SULT1C4: variants seen among roughly 807,000 people sequenced by gnomAD.
SULT1C4 encodes sulfotransferase family 1C member 4.
Under a neutral mutation model 34.8 loss-of-function variants are expected in SULT1C4, and 32 were observed. The ratio of observed to expected loss-of-function variants is 0.92; its 90% CI spans 0.69 to 1.23. SULT1C4 has a LOEUF of 1.23. Among genes scored for constraint, SULT1C4 ranks in the 50% most tolerant of loss-of-function variants. The pLI is 0.00. For synonymous variants in SULT1C4, 111 were observed against 120.5 expected, an observed-to-expected ratio of 0.92 and a Z score of 0.51; for missense variants, 375 against 365.9, an observed-to-expected ratio of 1.02 and a Z score of -0.20.
At chr2:108,382,609 T>G (rs1467165430) in intron 3 of SULT1C4, 127 bp downstream of exon 3, 1 of 769,956 alleles carries the variant, frequency 1.3e-6, no homozygotes, top group African/African-American at 1.8e-5. Context: ...ATATGCAAAT[T>G]AATATGAATC....
chr2:108,384,242 T>A (rs1334787141), intron 5 of SULT1C4, among the ~76,000 whole-genome samples: 1 of 151,640 alleles, frequency 6.6e-6, no homozygotes, highest in Non-Finnish European at 1.5e-5. Flanking sequence ...ATTTTATTTA[T>A]TTTTTGAGAC....
At chr2:108,387,090 C>T (rs999700104) in intron 6 of SULT1C4, among the ~76,000 whole-genome samples, 4 of 152,172 alleles carry the variant, frequency 2.6e-5, no homozygotes, top group Non-Finnish European at 4.4e-5. Flanking sequence ...GCGGTCTCGC[C>T]CACCCACTAA....
intron 3 of SULT1C4, 35 bp from the exon 4 acceptor site, chr2:108,383,058 T>G (rs1678457911): frequency 2.0e-6 from 3 of 1,533,076 alleles, no homozygotes; most frequent in Non-Finnish European, 2.6e-6. Flanking sequence ...CCTGTTTTTT[T>G]GCTTCTTCCC....
chr2:108,388,741 T>C lies in SULT1C4; in HGVS notation c.*1309T>C, dbSNP rs1678633226. Among the ~76,000 whole-genome samples, 1 of 152,138 alleles carries C rather than the reference T, an allele frequency of 6.6e-6. No individual in the cohort carries two copies. The highest frequency in any genetic ancestry group is 2.4e-5 in the African/African-American group (1 of 41,426). ...AAACCACCTCCATATTCCAGCAAAT[T>C]AGCCTACTTACTGGGTCCTAGTCAC... On this transcript the variant is annotated 3_prime_UTR_variant, in exon 7 of 7. Coordinates refer to ENST00000272452, the MANE Select transcript of SULT1C4 (RefSeq NM_006588.4).
intron 5 of SULT1C4, among the ~76,000 whole-genome samples, chr2:108,384,991 G>A (rs528105314): frequency 6.6e-6 from 1 of 152,298 alleles, no homozygotes; most frequent in African/African-American, 2.4e-5. Context: ...GCTGGGCCTT[G>A]TGATATGAGT....
At position 108,381,352 on chromosome 2, in the gene SULT1C4, A is replaced by T. The variant is rs75532862; in HGVS notation, c.170-410A>T. 1.2e-3 allele frequency among the ~76,000 whole-genome samples: 185 copies of T among 152,152 alleles called. 1 individual carries two copies. The highest frequency in any genetic ancestry group is 3.5e-3 in the Admixed American group (53 of 15,266). ...AAACCTAGCTTTTAAATTCACATAG[A>T]TGGTCCAGGCATGGTGGCTCACACC... On this transcript the variant is annotated intron_variant, in intron 1 of 6. Coordinates refer to ENST00000272452, the MANE Select transcript of SULT1C4 (RefSeq NM_006588.4).
At position 108,386,373 on chromosome 2, in the gene SULT1C4, G is replaced by GT; in HGVS notation, c.796+6dup. On this transcript the variant is annotated splice_donor_variant, in intron 6 of 6. Transcript: ENST00000272452. LOFTEE classifies it high-confidence loss of function. ...TCCATTTCTCCATTCATGAGAAAAG[G>GT]TTTTTATAGTTTATTTTCATTATAA... 6.9e-7 allele frequency: 1 copy of GT among 1,439,504 alleles called. No individual in the cohort carries two copies. The highest frequency in any genetic ancestry group is 9.2e-7 in the Non-Finnish European group (1 of 1,088,688). The allele number at this position is 1,439,504 out of a possible 1,614,324, so 89.2% of individuals were successfully genotyped here.
At position 108,382,456 on chromosome 2, in the gene SULT1C4, C is replaced by T. The variant is rs1381550391; in HGVS notation, c.367C>T (p.Pro123Ser). ...ACATCTTCCCTTTCACTTGCTGCCA[C>T]CATCCTTGCTAGAGAAAAACTGTAA... is the stretch of plus-strand genomic sequence containing the variant. Reference protein sequence around the residue: ...KTHLPFHLLPPSLLEKNCKII... With the variant: ...KTHLPFHLLPSSLLEKNCKII... Residue 123 changes from proline to serine, a missense_variant, in exon 3 of 7, where the codon CCA (proline) becomes TCA (serine). Pro to Ser is a moderately conservative substitution (Grantham distance 74). Coordinates refer to ENST00000272452, the MANE Select transcript of SULT1C4 (RefSeq NM_006588.4). 6.2e-7 allele frequency: 1 copy of T among 1,614,106 alleles called. No homozygotes were observed. The highest frequency in any genetic ancestry group is 2.2e-5 in the East Asian group (1 of 44,884).
Position 108,388,022 on chromosome 2 carries a change from C to G in SULT1C4, c.*590C>G, listed in dbSNP as rs1678613255. 6.6e-6 allele frequency: 1 copy of G among 152,034 alleles called. No individual in the cohort carries two copies. Among genetic ancestry groups the G allele is most frequent in the African/African-American group, 2.4e-5 (1 of 41,320 alleles). The allele number at this position is 152,034 out of a possible 1,614,324, so 9.4% of individuals were successfully genotyped here. On this transcript the variant is annotated 3_prime_UTR_variant, in exon 7 of 7. Transcript: ENST00000272452. The stretch of plus-strand genomic sequence containing the variant: ...TTCACCGTGTTAGCCAGGATGTTCT[C>G]GATCTCCTGACCCCATGATCCACCC...
chr2:108,378,564 G>A, intron 1 of SULT1C4, 58 bp downstream of exon 1: 14 of 1,550,300 alleles, frequency 9.0e-6, no homozygotes, highest in Non-Finnish European at 1.1e-5. Flanking sequence ...GTAAGTGGAA[G>A]TATGCATTAG....
chr2:108,381,539 C>A (rs1198144273), intron 1 of SULT1C4, among the ~76,000 whole-genome samples: 1 of 152,086 alleles, frequency 6.6e-6, no homozygotes, highest in Admixed American at 6.6e-5. Context: ...GTAACCCCTG[C>A]TACTCAGGAG....
intron 1 of SULT1C4, among the ~76,000 whole-genome samples, chr2:108,380,512 T>C (rs1163499429): frequency 1.3e-5 from 2 of 152,050 alleles, no homozygotes; most frequent in Non-Finnish European, 2.9e-5. Flanking sequence ...AGACCCTGTC[T>C]CTGGAAAAAT....
chr2:108,385,239 T>C (rs1007267840), intron 5 of SULT1C4, among the ~76,000 whole-genome samples: 1 of 152,234 alleles, frequency 6.6e-6, no homozygotes, highest in African/African-American at 2.4e-5. Context: ...GCATGTATCA[T>C]AGCCATGTCA....
At position 108,388,463 on chromosome 2, in the gene SULT1C4, C is replaced by A. The variant is rs1031163985; in HGVS notation, c.*1031C>A. Among the ~76,000 whole-genome samples, 6 of 152,176 alleles carry A rather than the reference C, an allele frequency of 3.9e-5. No homozygotes were observed. The highest frequency in any genetic ancestry group is 8.8e-5 in the Non-Finnish European group (6 of 68,032). ...GTTTTCCTTCTATTTCTATAGCCAC[C>A]CTTCTGGTTCACAAACCTTTTACTT... On this transcript the variant is annotated 3_prime_UTR_variant, in exon 7 of 7. Coordinates refer to ENST00000272452, the MANE Select transcript of SULT1C4 (RefSeq NM_006588.4).
At chr2:108,384,454 C>A (rs558900729) in intron 5 of SULT1C4, among the ~76,000 whole-genome samples, 4 of 152,236 alleles carry the variant, frequency 2.6e-5, no homozygotes, top group African/African-American at 7.2e-5. Context: ...GTCTCAATCT[C>A]CTGACCTCGT....
intron 5 of SULT1C4, among the ~76,000 whole-genome samples, chr2:108,385,543 G>A (rs1678543920): frequency 6.6e-6 from 1 of 152,186 alleles, no homozygotes; most frequent in Non-Finnish European, 1.5e-5. Context: ...GTCAGGGTAA[G>A]CGCTTCCACT....
chr2:108,383,759 A>G lies in SULT1C4; in HGVS notation c.615+249A>G, dbSNP rs569645000. On this transcript the variant is annotated intron_variant, in intron 5 of 6. Coordinates refer to ENST00000272452, the MANE Select transcript of SULT1C4 (RefSeq NM_006588.4). ...CCTTACAGGCAGGTTATTACACAATATGGATGGTGTCATTTTCTCCCTTGC... is the reference window on the plus strand; with the variant it reads ...CCTTACAGGCAGGTTATTACACAATGTGGATGGTGTCATTTTCTCCCTTGC... 2.6e-5 allele frequency among the ~76,000 whole-genome samples: 4 copies of G among 152,244 alleles called. No homozygotes were observed. The South Asian group carries it at 6.2e-4, about 24-fold the overall frequency.
rs955957986 is a variant in SULT1C4 at position 108,383,161 on chromosome 2, A to G, written c.462A>G (p.Lys154=). The change falls in exon 4 of 7, where the codon AAA becomes AAG. Residue 154 remains lysine (K), a synonymous_variant. Coordinates refer to ENST00000272452, the MANE Select transcript of SULT1C4 (RefSeq NM_006588.4). ...VSYYHFQRMN[K]ALPAPGTWEE... is the part of the protein sequence containing the mutation. ...ATTACCATTTCCAAAGAATGAATAA[A>G]GCTCTTCCTGCTCCAGGAACATGGG... is the stretch of plus-strand genomic sequence containing the variant. The G allele has an allele frequency of 1.3e-5, 21 of 1,613,332 alleles. No homozygotes were observed. In the African/African-American group the frequency reaches 2.8e-4, roughly 22 times the overall value.
chr2:108,386,884 G>C (rs999321999), intron 6 of SULT1C4, among the ~76,000 whole-genome samples: 1 of 152,128 alleles, frequency 6.6e-6, no homozygotes, highest in African/African-American at 2.4e-5. Flanking sequence ...AAGGTAACAG[G>C]GATTACAATT....
Sources: allele counts gnomAD v4.1 joint callset (sites outside exome capture counted in the v4.1 genomes callset), GRCh38; gene constraint gnomAD v4.1.1; transcripts MANE v1.5; gene names NCBI Gene and HGNC (gene_info 2026-07-23, HGNC 2026-07-21).